The following NLGN4X variants were observed in gnomAD, a reference collection of about 807,000 sequenced individuals.
NLGN4X encodes neuroligin-4, X-linked.
Under a neutral mutation model 40.3 loss-of-function variants are expected in NLGN4X, and 3 were observed. The ratio of observed to expected loss-of-function variants is 0.07; its 90% CI spans 0.03 to 0.19. The LOEUF is 0.19. Ranked by LOEUF, NLGN4X falls within the 10% of genes least tolerant of loss-of-function variation. The pLI, the probability that NLGN4X is intolerant of heterozygous loss-of-function variation, is 1.00. For synonymous variants in NLGN4X, 270 were observed against 306.8 expected (o/e 0.88, Z 1.25); for missense variants, 382 against 708.3 (o/e 0.54, Z 5.23).
intron 3 of NLGN4X, among the ~76,000 whole-genome samples, chrX:5,968,475 G>A (rs868519221): frequency 3.0e-5 from 2 of 66,922 alleles, no homozygotes; most frequent in African/African-American, 1.2e-4. Context: ...GTGTGTGTGT[G>A]TGTGTGTGTG....
At chrX:6,111,165 C>T (rs144520843) in intron 2 of NLGN4X, among the ~76,000 whole-genome samples, 2,032 of 111,987 alleles carry the variant, frequency 0.018, 32 homozygotes, top group South Asian at 0.029. Context: ...CATAGATTCA[C>T]TCAAGTGCAG....
At chrX:6,006,177 G>A (rs1379304418) in intron 3 of NLGN4X, among the ~76,000 whole-genome samples, 1 of 110,769 alleles carries the variant, frequency 9.0e-6, no homozygotes, top group African/African-American at 3.3e-5. Flanking sequence ...ATAAATTTTT[G>A]CACAGTGCTC....
Position 6,225,689 on chromosome X carries a change from CTTTTTTTTTTTTTTTTTTTT to C in NLGN4X, c.-306+2832_-306+2851del, listed in dbSNP as rs749574818. ...TTTCCTTTTTTTTCTTTCTTTTTTT[CTTTTTTTTTTTTTTTTTTTT>C]TTTTTTTTTTTTGCTTTTGCCTTCC... On this transcript the variant is annotated intron_variant, in intron 1 of 5. Coordinates refer to ENST00000381095, the MANE Select transcript of NLGN4X (RefSeq NM_181332.3). Among the ~76,000 whole-genome samples, 461 of 26,932 alleles carry C rather than the reference CTTTTTTTTTTTTTTTTTTTT, an allele frequency of 0.017. 16 individuals carry two copies. In the East Asian group the frequency reaches 0.2, roughly 12 times the overall value. 23.4% of individuals were successfully genotyped at this position (26,932 alleles called of 115,157 possible).
At chrX:6,162,666 A>C (rs779595334) in intron 1 of NLGN4X, among the ~76,000 whole-genome samples, 1 of 111,104 alleles carries the variant, frequency 9.0e-6, no homozygotes, top group Non-Finnish European at 1.9e-5. Context: ...TCCCCTTTAT[A>C]TATCTATCTG....
intron 3 of NLGN4X, among the ~76,000 whole-genome samples, chrX:5,968,323 G>C (rs1356813487): frequency 9.7e-6 from 1 of 102,981 alleles, no homozygotes; most frequent in East Asian, 3.1e-4. Flanking sequence ...CTCCATTAAA[G>C]GGCATGCTGT....
intron 2 of NLGN4X, among the ~76,000 whole-genome samples, chrX:6,108,482 T>A (rs914084417): frequency 3.6e-5 from 4 of 110,296 alleles, no homozygotes; most frequent in African/African-American, 1.3e-4. Flanking sequence ...CTGGCCAACA[T>A]GGCAAAACCC....
intron 3 of NLGN4X, among the ~76,000 whole-genome samples, chrX:5,950,941 T>A (rs1007112813): frequency 1.1e-4 from 12 of 112,258 alleles, no homozygotes; most frequent in Non-Finnish European, 3.8e-5. Flanking sequence ...AAGGGTCATA[T>A]GGTTGTGGTT....
chrX:5,969,795 C>G (rs1169684422), intron 3 of NLGN4X, among the ~76,000 whole-genome samples: 2 of 110,443 alleles, frequency 1.8e-5, no homozygotes, highest in East Asian at 2.9e-4. Flanking sequence ...CAATGATAGA[C>G]TGGATTAAGA....
intron 2 of NLGN4X, among the ~76,000 whole-genome samples, chrX:6,113,632 G>A (rs759039866): frequency 5.6e-5 from 6 of 107,659 alleles, no homozygotes; most frequent in South Asian, 8.2e-4. Context: ...CTAAGGGCTC[G>A]TTGCAATGCC....
chrX:6,157,836 A>T (rs1167527323), intron 1 of NLGN4X, among the ~76,000 whole-genome samples: 1 of 111,459 alleles, frequency 9.0e-6, no homozygotes, highest in Non-Finnish European at 1.9e-5. Flanking sequence ...TTCTGGAAAG[A>T]CACAAGCCTT....
At chrX:6,161,149 T>A (rs12399036) in intron 1 of NLGN4X, among the ~76,000 whole-genome samples, 55 of 48,197 alleles carry the variant, frequency 1.1e-3, no homozygotes, top group African/African-American at 4.8e-3. Flanking sequence ...TTCTATATAT[T>A]ATATAGGATA....
intron 3 of NLGN4X, among the ~76,000 whole-genome samples, chrX:5,952,730 A>AGGCT (rs928460243): frequency 2.7e-5 from 3 of 111,294 alleles, no homozygotes; most frequent in Admixed American, 9.5e-5. Context: ...TCTGTAAGAC[A>AGGCT]GGCTGGCTGG....
chrX:5,987,012 T>C (rs1569170417), intron 3 of NLGN4X, among the ~76,000 whole-genome samples: 1 of 111,036 alleles, frequency 9.0e-6, no homozygotes, highest in South Asian at 3.8e-4. Flanking sequence ...GAAAGGAGGG[T>C]GCCTGAAAAA....
At chrX:6,090,902 A>C (rs1471880316) in intron 2 of NLGN4X, among the ~76,000 whole-genome samples, 1 of 102,981 alleles carries the variant, frequency 9.7e-6, no homozygotes, top group African/African-American at 4.3e-5. Context: ...AGACGGGGTG[A>C]TCAGCTCCAC....
At chrX:6,040,479 A>T (rs1020873535) in intron 2 of NLGN4X, among the ~76,000 whole-genome samples, 11 of 44,575 alleles carry the variant, frequency 2.5e-4, no homozygotes, top group African/African-American at 1.4e-3. Flanking sequence ...GCTTTTTTTA[A>T]AAAAAAAGGA....
chrX:6,106,098 ACTCATTAATATTCCTG>A (rs1252935665), intron 2 of NLGN4X, among the ~76,000 whole-genome samples: 1 of 111,508 alleles, frequency 9.0e-6, no homozygotes, highest in Non-Finnish European at 1.9e-5. Context: ...CCCAAATCAA[ACTCATTAATATTCCTG>A]CAGGAAAATA....
At chrX:5,898,928 C>G (rs1050085671) in intron 5 of NLGN4X, among the ~76,000 whole-genome samples, 2 of 111,706 alleles carry the variant, frequency 1.8e-5, no homozygotes, top group African/African-American at 6.5e-5. Flanking sequence ...CTGGAGTGAT[C>G]GGGCCACCAC....
intron 1 of NLGN4X, among the ~76,000 whole-genome samples, chrX:6,181,898 CAA>C (rs1225443563): frequency 9.0e-6 from 1 of 111,524 alleles, no homozygotes. Flanking sequence ...TTGAAATTAA[CAA>C]GAGAGGAAAG....
At chrX:6,043,146 CACACACACACACAA>C (rs1436416232) in intron 2 of NLGN4X, among the ~76,000 whole-genome samples, 2 of 104,056 alleles carry the variant, frequency 1.9e-5, no homozygotes, top group African/African-American at 3.6e-5. Context: ...CACACACACA[CACACACACACACAA>C]ACACACGTAT....
Sources: gnomAD v4.1 joint callset for allele counts (sites outside exome capture counted in the v4.1 genomes callset) on GRCh38, gnomAD v4.1.1 for gene constraint, MANE v1.5 for transcripts, NCBI Gene and HGNC (gene_info 2026-07-23, HGNC 2026-07-21) for gene names.